MSI2: variants seen among roughly 807,000 people sequenced by gnomAD.
MSI2 encodes musashi RNA binding protein 2.
Under a neutral mutation model 45.6 loss-of-function variants are expected in MSI2, and 17 were observed. The observed-to-expected ratio is 0.37, with a 90% CI of 0.26 to 0.56. The LOEUF (loss-of-function observed/expected upper bound fraction) is 0.56, where lower values mean the gene tolerates loss of function less well. Among genes scored for constraint, MSI2 ranks in the 20% least tolerant of loss-of-function variants. The probability of loss-of-function intolerance (pLI) is 0.77; values close to 1 mark genes in which losing one functional copy is unlikely to be tolerated. For synonymous variants in MSI2, 156 were observed against 158.2 expected (o/e 0.99, Z 0.11); for missense variants, 293 against 444.2 (o/e 0.66, Z 3.06).
intron 5 of MSI2, among the ~76,000 whole-genome samples, chr17:57,289,382 G>A (rs1277873381): frequency 1.3e-5 from 2 of 152,080 alleles, no homozygotes; most frequent in South Asian, 4.2e-4. Context: ...CAAGCTCCAC[G>A]AGTTTGATTT....
intron 11 of MSI2, among the ~76,000 whole-genome samples, chr17:57,657,776 T>G (rs962198032): frequency 1.3e-5 from 2 of 152,212 alleles, no homozygotes; most frequent in African/African-American, 4.8e-5. Flanking sequence ...TTCCACTTGC[T>G]GGAGGGATCC....
intron 10 of MSI2, chr17:57,632,427 G>A (rs1909468906): frequency 9.4e-7 from 1 of 1,065,988 alleles, no homozygotes; most frequent in African/African-American, 1.6e-5. Context: ...TCACAAGCCT[G>A]TCTGTCTTCG....
chr17:57,369,491 A>AG (rs1391646297), intron 5 of MSI2, among the ~76,000 whole-genome samples: 2 of 152,220 alleles, frequency 1.3e-5, no homozygotes, highest in African/African-American at 4.8e-5. Flanking sequence ...TGCCAGGGAA[A>AG]GGGACCCTCC....
At chr17:57,676,241 T>C (rs947441096) in intron 12 of MSI2, among the ~76,000 whole-genome samples, 2 of 151,938 alleles carry the variant, frequency 1.3e-5, no homozygotes, top group Admixed American at 1.3e-4. Flanking sequence ...CACGCATGCA[T>C]GCACACACGC....
chr17:57,473,336 C>G (rs973437963), intron 6 of MSI2, among the ~76,000 whole-genome samples: 2 of 152,048 alleles, frequency 1.3e-5, no homozygotes, highest in African/African-American at 2.4e-5. Context: ...GTGCATAGGT[C>G]CCCCCACACG....
chr17:57,623,010 C>T (rs894451296), intron 9 of MSI2, among the ~76,000 whole-genome samples: 7 of 152,104 alleles, frequency 4.6e-5, no homozygotes, highest in African/African-American at 9.7e-5. Context: ...GTGGCTTTTG[C>T]GAATGAGGAA....
intron 7 of MSI2, among the ~76,000 whole-genome samples, chr17:57,588,472 G>A (rs895547054): frequency 1.3e-5 from 2 of 152,144 alleles, no homozygotes; most frequent in Non-Finnish European, 2.9e-5. Context: ...TGCGGTTGGG[G>A]GTCTGGAAAG....
At chr17:57,588,185 C>G (rs982847632) in intron 7 of MSI2, among the ~76,000 whole-genome samples, 1 of 152,158 alleles carries the variant, frequency 6.6e-6, no homozygotes, top group Admixed American at 6.5e-5. Flanking sequence ...GCATCCATCG[C>G]GGGCTTGTTT....
chr17:57,291,466 C>T (rs1014212892), intron 5 of MSI2, among the ~76,000 whole-genome samples: 1 of 152,140 alleles, frequency 6.6e-6, no homozygotes, highest in African/African-American at 2.4e-5. Context: ...ATTTATTGCA[C>T]ATAATATATA....
chr17:57,687,724 T>C (rs1238657175), downstream of MSI2, among the ~76,000 whole-genome samples: 1 of 152,104 alleles, frequency 6.6e-6, no homozygotes, highest in African/African-American at 2.4e-5. Flanking sequence ...TCCTGTTTTA[T>C]GAAACACATG....
In MSI2 at chr17:57,454,966, G is replaced by A. The variant is rs1361834869; in HGVS notation, c.405+53495G>A. The stretch of plus-strand genomic sequence containing the variant: ...GCCTGCTGCTGCTCCTGTCGCAGGC[G>A]TGGAAGACCTGGCTGGAACCCTATT... On this transcript the variant is annotated intron_variant, in intron 6 of 13. Coordinates refer to ENST00000284073, the MANE Select transcript of MSI2 (RefSeq NM_138962.4). Among the ~76,000 whole-genome samples the A allele has an allele frequency of 4.6e-5, 7 of 152,172 alleles. No individual in the cohort carries two copies. The East Asian group carries it at 5.8e-4, about 13-fold the overall frequency.
At chr17:57,427,173 G>A (rs2143345418) in intron 6 of MSI2, among the ~76,000 whole-genome samples, 1 of 152,220 alleles carries the variant, frequency 6.6e-6, no homozygotes, top group South Asian at 2.1e-4. Context: ...GAGGTGGGTG[G>A]GTCAGCTGAG....
In MSI2 at chr17:57,611,024, C is replaced by T. The variant is rs916809099; in HGVS notation, c.538-4946C>T. On this transcript the variant is annotated intron_variant, in intron 8 of 13. Coordinates refer to ENST00000284073, the MANE Select transcript of MSI2 (RefSeq NM_138962.4). ...GGTCCTTCTGGTATAAGCAGTTGGTCATCAGTGGCCTCTGAGGCTTCTTAC... is the reference window on the plus strand; with the variant it reads ...GGTCCTTCTGGTATAAGCAGTTGGTTATCAGTGGCCTCTGAGGCTTCTTAC... 1.7e-4 allele frequency among the ~76,000 whole-genome samples: 16 copies of T among 95,238 alleles called. 7 individuals carry two copies. The highest frequency in any genetic ancestry group is 3.0e-4 in the Non-Finnish European group (12 of 39,788). The allele number at this position is 95,238 out of a possible 152,430, so 62.5% of individuals were successfully genotyped here.
chr17:57,373,965 T>C (rs1029236324), intron 5 of MSI2, among the ~76,000 whole-genome samples: 3 of 152,224 alleles, frequency 2.0e-5, no homozygotes, highest in African/African-American at 7.2e-5. Context: ...ACAGAAAGGC[T>C]TATGGCGAGG....
At position 57,525,858 on chromosome 17, in the gene MSI2, GAAGT is replaced by G. The variant is rs761187160; in HGVS notation, c.406-3812_406-3809del. Among the ~76,000 whole-genome samples the G allele has an allele frequency of 3.9e-5, 6 of 152,332 alleles. No homozygotes were observed. In the South Asian group the frequency reaches 1.0e-3, roughly 26 times the overall value. ...AGGCAGGTGAGCGCGTTGTCAACATGAAGTAAGTACCAGAGTTAATCATAAGGAT... is the reference window on the plus strand; with the variant it reads ...AGGCAGGTGAGCGCGTTGTCAACATGAAGTACCAGAGTTAATCATAAGGAT... On this transcript the variant is annotated intron_variant, in intron 6 of 13. Coordinates refer to ENST00000284073, the MANE Select transcript of MSI2 (RefSeq NM_138962.4).
intron 5 of MSI2, among the ~76,000 whole-genome samples, chr17:57,322,428 T>C (rs1471470662): frequency 6.6e-6 from 1 of 152,172 alleles, no homozygotes; most frequent in Admixed American, 6.5e-5. Flanking sequence ...ATAATCAAAA[T>C]GGAAATTTAA....
intron 5 of MSI2, among the ~76,000 whole-genome samples, chr17:57,271,139 G>A (rs1908318851): frequency 6.6e-6 from 1 of 152,102 alleles, no homozygotes; most frequent in Non-Finnish European, 1.5e-5. Flanking sequence ...TCTGCCCGGG[G>A]GTAGCTCTAC....
At chr17:57,469,819 C>A (rs979993433) in intron 6 of MSI2, among the ~76,000 whole-genome samples, 2 of 152,234 alleles carry the variant, frequency 1.3e-5, no homozygotes, top group Non-Finnish European at 2.9e-5. Context: ...AAGTGCACAT[C>A]TGATTTTGCA....
At chr17:57,608,437 G>T (rs1245458696) in intron 8 of MSI2, 1 of 152,370 alleles carries the variant, frequency 6.6e-6, no homozygotes, top group Non-Finnish European at 1.5e-5. Flanking sequence ...GGCAGCCGAG[G>T]TTCCTGCGTT....
Sources: gnomAD v4.1 joint callset for allele counts (sites outside exome capture counted in the v4.1 genomes callset) on GRCh38, gnomAD v4.1.1 for gene constraint, MANE v1.5 for transcripts, NCBI Gene and HGNC (gene_info 2026-07-23, HGNC 2026-07-21) for gene names.